The following CALN1 variants were observed in gnomAD, a reference collection of about 807,000 sequenced individuals.
CALN1 encodes the protein calcium-binding protein 8.
In CALN1, 17 loss-of-function variants were observed where a neutral mutation model predicts 30.6. That is an observed-to-expected ratio of 0.56 (90% CI 0.38 to 0.83). The LOEUF (loss-of-function observed/expected upper bound fraction) is 0.83, where lower values mean the gene tolerates loss of function less well. CALN1 is among the 40% of genes least tolerant of loss of function. CALN1 has a pLI of 0.00. For synonymous variants in CALN1, 156 were observed against 131.4 expected, an observed-to-expected ratio of 1.19 and a Z score of -1.28; for missense variants, 291 against 354.9, an observed-to-expected ratio of 0.82 and a Z score of 1.45.
At chr7:72,337,316 G>A (rs941980779) in intron 2 of CALN1, 184 of 981,980 alleles carry the variant, frequency 1.9e-4, no homozygotes, top group Non-Finnish European at 2.2e-4. Flanking sequence ...TCCTCCGAGG[G>A]TCGGGGAGCC....
At chr7:71,948,538 T>G (rs937544373) in intron 5 of CALN1, among the ~76,000 whole-genome samples, 5 of 151,986 alleles carry the variant, frequency 3.3e-5, no homozygotes, top group Admixed American at 2.0e-4. Flanking sequence ...CAGACTAGCC[T>G]GGCCAACACG....
chr7:72,223,361 C>G (rs1793441746), intron 3 of CALN1, among the ~76,000 whole-genome samples: 4 of 152,040 alleles, frequency 2.6e-5, no homozygotes. Flanking sequence ...ATTTCTAAAC[C>G]AAAAACAGGG....
At chr7:72,278,664 C>G (rs373364697) in intron 3 of CALN1, 22 bp downstream of exon 3, 4 of 1,599,590 alleles carry the variant, frequency 2.5e-6, no homozygotes, top group Non-Finnish European at 3.4e-6. Flanking sequence ...GGCCATCCCC[C>G]CAAACAGGGT....
chr7:71,847,836 A>AGAAGGG (rs1790400641), intron 5 of CALN1, among the ~76,000 whole-genome samples: 1 of 97,858 alleles, frequency 1.0e-5, no homozygotes, highest in Non-Finnish European at 1.9e-5. Flanking sequence ...AAGGAGAAGG[A>AGAAGGG]GAAGGAGAAG....
At chr7:71,984,419 T>C (rs1267302216) in intron 5 of CALN1, among the ~76,000 whole-genome samples, 3 of 152,214 alleles carry the variant, frequency 2.0e-5, no homozygotes, top group African/African-American at 4.8e-5. Flanking sequence ...ATGTAGTGTA[T>C]CATCCTTCAA....
At chr7:71,853,514 G>A (rs901400851) in intron 5 of CALN1, among the ~76,000 whole-genome samples, 1 of 149,838 alleles carries the variant, frequency 6.7e-6, no homozygotes, top group African/African-American at 2.4e-5. Context: ...TCTTCACAAT[G>A]TATGATAGAT....
At chr7:72,011,435 G>A (rs774783063) in intron 5 of CALN1, among the ~76,000 whole-genome samples, 3 of 152,090 alleles carry the variant, frequency 2.0e-5, no homozygotes, top group Non-Finnish European at 4.4e-5. Flanking sequence ...CATTGGAGCC[G>A]TGGTCAGAGG....
At chr7:71,964,146 C>A (rs556920289) in intron 5 of CALN1, among the ~76,000 whole-genome samples, 1 of 152,182 alleles carries the variant, frequency 6.6e-6, no homozygotes, top group Non-Finnish European at 1.5e-5. Context: ...CATTCCCCTA[C>A]GGATGGACAC....
At chr7:72,490,412 T>C in the CALN1 span, among the ~76,000 whole-genome samples, 2 of 152,200 alleles carry the variant, frequency 1.3e-5, no homozygotes, top group Non-Finnish European at 2.9e-5. Context: ...CGGATTTTCA[T>C]CTCCTCTGCC....
intron 4 of CALN1, among the ~76,000 whole-genome samples, chr7:72,031,473 A>G (rs990060658): frequency 6.6e-6 from 1 of 152,140 alleles, no homozygotes; most frequent in Admixed American, 6.5e-5. Flanking sequence ...CATCTTATCA[A>G]TGAGATAACT....
intron 2 of CALN1, chr7:72,337,361 C>G: frequency 1.1e-6 from 1 of 931,066 alleles, no homozygotes; most frequent in Non-Finnish European, 1.3e-6. Flanking sequence ...CAATGGCTCC[C>G]TCGGTTTCCA....
chr7:71,984,484 C>G (rs844699), intron 5 of CALN1, among the ~76,000 whole-genome samples: 25,279 of 152,094 alleles, frequency 0.17, 3,430 homozygotes, highest in East Asian at 0.38. Flanking sequence ...GAATTTGAGT[C>G]ATGTATAGAA....
chr7:72,272,108 G>C (rs937739172), intron 3 of CALN1, among the ~76,000 whole-genome samples: 8 of 150,556 alleles, frequency 5.3e-5, no homozygotes, highest in Non-Finnish European at 8.9e-5. Flanking sequence ...GGGGCTCCTA[G>C]AGAAAACTGA....
At chr7:72,199,446 CTG>C (rs1333744417) in intron 3 of CALN1, among the ~76,000 whole-genome samples, 2 of 152,202 alleles carry the variant, frequency 1.3e-5, no homozygotes, top group Non-Finnish European at 2.9e-5. Context: ...TGGCTCACAA[CTG>C]TAATCCCAGT....
intron 2 of CALN1, among the ~76,000 whole-genome samples, chr7:72,350,786 TAA>T (rs57540871): frequency 6.6e-6 from 1 of 151,952 alleles, no homozygotes; most frequent in Non-Finnish European, 1.5e-5. Context: ...AAGTAAAAGT[TAA>T]AAAAAAATAA....
chr7:72,371,583 ACTGTGAGTCAGTTAAC>A (rs1269499576), intron 2 of CALN1, among the ~76,000 whole-genome samples: 1 of 152,144 alleles, frequency 6.6e-6, no homozygotes, highest in Non-Finnish European at 1.5e-5. Flanking sequence ...GACATGTGGA[ACTGTGAGTCAGTTAAC>A]CTCTTTACTT....
intron 5 of CALN1, among the ~76,000 whole-genome samples, chr7:71,901,815 T>C (rs753853360): frequency 6.6e-5 from 10 of 152,284 alleles, no homozygotes; most frequent in Non-Finnish European, 1.5e-4. Flanking sequence ...ATTTAAATAC[T>C]AGAAGAAAAC....
chr7:72,283,485 T>A (rs796561016), intron 2 of CALN1, among the ~76,000 whole-genome samples: 18 of 152,034 alleles, frequency 1.2e-4, no homozygotes, highest in African/African-American at 4.3e-4. Context: ...CAGAGAGCTA[T>A]GATCCCACCA....
chr7:71,993,917 A>G (rs1275427156), intron 5 of CALN1, among the ~76,000 whole-genome samples: 1 of 152,172 alleles, frequency 6.6e-6, no homozygotes, highest in Non-Finnish European at 1.5e-5. Flanking sequence ...AGATGAACTG[A>G]TATGAAGCAT....
Sources: gnomAD v4.1 joint callset for allele counts (sites outside exome capture counted in the v4.1 genomes callset) on GRCh38, gnomAD v4.1.1 for gene constraint, MANE v1.5 for transcripts, NCBI Gene and HGNC (gene_info 2026-07-23, HGNC 2026-07-21) for gene names.